The following RBFOX1 variants were observed in gnomAD, a reference collection of about 807,000 sequenced individuals.
RBFOX1 encodes the protein RNA binding fox-1 homolog 1, also known as RNA binding protein fox-1 homolog 1.
RBFOX1 carries 8 observed loss-of-function variants against 57.7 expected under a neutral mutation model. That is an observed-to-expected ratio of 0.14 (90% confidence interval 0.08 to 0.25). The LOEUF is 0.25. RBFOX1 is among the 10% of genes least tolerant of loss of function. RBFOX1 has a pLI of 1.00. For synonymous variants in RBFOX1, 326 were observed against 222.4 expected (o/e 1.47, Z -4.15); for missense variants, 611 against 548.5 (o/e 1.11, Z -1.14).
intron 5 of RBFOX1, among the ~76,000 whole-genome samples, chr16:7,535,772 A>G (rs1421957012): frequency 1.3e-5 from 2 of 152,214 alleles, no homozygotes; most frequent in Non-Finnish European, 2.9e-5. Flanking sequence ...AACCACTTAA[A>G]ATTTAATATT....
intron 4 of RBFOX1, among the ~76,000 whole-genome samples, chr16:7,437,792 C>G (rs996422021): frequency 2.7e-5 from 4 of 150,746 alleles, no homozygotes; most frequent in African/African-American, 9.8e-5. Flanking sequence ...GGAAGGCAAA[C>G]GAATACAGAT....
intron 4 of RBFOX1, among the ~76,000 whole-genome samples, chr16:5,978,727 G>C (rs1022577506): frequency 6.0e-5 from 9 of 151,248 alleles, no homozygotes; most frequent in African/African-American, 2.2e-4. Flanking sequence ...AGTGTTGAGG[G>C]GTACCAGTCC....
chr16:6,748,502 AATAAAG>A (rs2074255837), intron 3 of RBFOX1, among the ~76,000 whole-genome samples: 2 of 152,224 alleles, frequency 1.3e-5, no homozygotes, highest in East Asian at 3.9e-4. Flanking sequence ...CTCTCCAAAA[AATAAAG>A]ATAAAAAATT....
chr16:7,707,359 T>C (rs2082795975), intron 14 of RBFOX1, among the ~76,000 whole-genome samples: 1 of 152,046 alleles, frequency 6.6e-6, no homozygotes, highest in Admixed American at 6.6e-5. Context: ...GTATCACTTA[T>C]CTACCAACCA....
At chr16:5,265,945 G>A (rs1209089934) in intron 1 of RBFOX1, among the ~76,000 whole-genome samples, 3 of 152,022 alleles carry the variant, frequency 2.0e-5, no homozygotes, top group Admixed American at 6.6e-5. Flanking sequence ...GGGGATCTCC[G>A]GGTCTTGAGC....
At chr16:6,689,210 C>T (rs1001167701) in intron 3 of RBFOX1, among the ~76,000 whole-genome samples, 1 of 152,074 alleles carries the variant, frequency 6.6e-6, no homozygotes, top group Non-Finnish European at 1.5e-5. Context: ...TCCTCTAAGG[C>T]TGATTATGTC....
intron 1 of RBFOX1, among the ~76,000 whole-genome samples, chr16:5,267,179 A>G (rs1432659791): frequency 6.6e-6 from 1 of 152,204 alleles, no homozygotes; most frequent in East Asian, 1.9e-4. Flanking sequence ...AGCCCAAAGC[A>G]TTGAGCTTTC....
At chr16:5,484,284 G>A (rs141355359) in intron 2 of RBFOX1, among the ~76,000 whole-genome samples, 383 of 152,330 alleles carry the variant, frequency 2.5e-3, no homozygotes, top group Non-Finnish European at 4.2e-3. Context: ...GAGCCCTTCA[G>A]TTCTTTCTGG....
chr16:6,426,267 A>C (rs1176027831), intron 2 of RBFOX1, among the ~76,000 whole-genome samples: 1 of 151,864 alleles, frequency 6.6e-6, no homozygotes, highest in African/African-American at 2.4e-5. Context: ...ACAGATGGGG[A>C]GATGAAGAGA....
intron 4 of RBFOX1, among the ~76,000 whole-genome samples, chr16:7,179,160 G>A (rs1424465485): frequency 6.6e-6 from 1 of 151,934 alleles, no homozygotes; most frequent in East Asian, 1.9e-4. Context: ...TGGTGCATTT[G>A]GGGGTAGGAG....
At chr16:6,688,707 T>C (rs1357231828) in intron 3 of RBFOX1, among the ~76,000 whole-genome samples, 3 of 152,158 alleles carry the variant, frequency 2.0e-5, no homozygotes. Context: ...GTTACATAGG[T>C]ATACACATGC....
At chr16:6,623,587 C>G (rs918317560) in intron 2 of RBFOX1, among the ~76,000 whole-genome samples, 6 of 151,988 alleles carry the variant, frequency 3.9e-5, no homozygotes, top group Admixed American at 1.3e-4. Flanking sequence ...AATGCTATCC[C>G]TCCCCCTGCC....
intron 5 of RBFOX1, among the ~76,000 whole-genome samples, chr16:7,538,569 G>C (rs1454703633): frequency 6.6e-6 from 1 of 152,172 alleles, no homozygotes; most frequent in African/African-American, 2.4e-5. Context: ...TCTTCGTTTA[G>C]AATGTTATCT....
Position 7,485,763 on chromosome 16 carries a change from G to A in RBFOX1, c.28-32384G>A, listed in dbSNP as rs563105676. Reference sequence around the variant, plus strand: ...TATATGTATTTCCCAACTCTCTCATGTCTGAATATTACATCCCTTGACTAT... The same window carrying A: ...TATATGTATTTCCCAACTCTCTCATATCTGAATATTACATCCCTTGACTAT... On this transcript the variant is annotated intron_variant, in intron 4 of 15. Transcript: ENST00000550418. Among the ~76,000 whole-genome samples, 23 of 152,304 alleles carry A rather than the reference G, an allele frequency of 1.5e-4. No individual in the cohort carries two copies. The South Asian group carries it at 4.6e-3, about 30-fold the overall frequency.
intron 3 of RBFOX1, among the ~76,000 whole-genome samples, chr16:5,684,438 A>G (rs1481517305): frequency 6.6e-6 from 1 of 152,138 alleles, no homozygotes; most frequent in Non-Finnish European, 1.5e-5. Context: ...AATGCTCTGC[A>G]ACTCCCACGT....
At chr16:7,200,250 G>C (rs1041422544) in intron 4 of RBFOX1, among the ~76,000 whole-genome samples, 4 of 152,158 alleles carry the variant, frequency 2.6e-5, no homozygotes, top group Non-Finnish European at 4.4e-5. Flanking sequence ...TGATACTGTG[G>C]TTCTGAGATT....
intron 1 of RBFOX1, among the ~76,000 whole-genome samples, chr16:6,182,478 TTG>T (rs1460888491): frequency 2.0e-5 from 3 of 152,212 alleles, no homozygotes; most frequent in Non-Finnish European, 2.9e-5. Flanking sequence ...TTGTTTTTTA[TTG>T]TGTTTGCCAA....
intron 3 of RBFOX1, among the ~76,000 whole-genome samples, chr16:6,979,031 G>A (rs1035086183): frequency 6.6e-6 from 1 of 152,148 alleles, no homozygotes; most frequent in African/African-American, 2.4e-5. Flanking sequence ...GAGGAGAGGA[G>A]ATAATACAAA....
chr16:6,785,154 G>C (rs2081717246), intron 3 of RBFOX1, among the ~76,000 whole-genome samples: 1 of 152,020 alleles, frequency 6.6e-6, no homozygotes, highest in Non-Finnish European at 1.5e-5. Flanking sequence ...TTTCATTTCT[G>C]AACAAAGAGA....
Sources: allele counts gnomAD v4.1 joint callset (sites outside exome capture counted in the v4.1 genomes callset), GRCh38; gene constraint gnomAD v4.1.1; transcripts MANE v1.5; gene names NCBI Gene and HGNC (gene_info 2026-07-23, HGNC 2026-07-21).